The following INSYN2A variants were observed in gnomAD, a reference collection of about 807,000 sequenced individuals.
INSYN2A encodes inhibitory synaptic factor 2A.
A neutral mutation model predicts 39.4 loss-of-function variants in INSYN2A; 17 were observed. That is an observed-to-expected ratio of 0.43 (90% CI 0.30 to 0.65). INSYN2A has a LOEUF of 0.65. INSYN2A is among the 30% of genes least tolerant of loss of function. The probability of loss-of-function intolerance (pLI) is 0.14; values close to 1 mark genes in which losing one functional copy is unlikely to be tolerated. For missense variants in INSYN2A, 595 were observed against 631.2 expected (o/e 0.94, Z 0.61); for synonymous variants, 255 against 265.7 (o/e 0.96, Z 0.39).
rs1181045508 is a variant in INSYN2A, at chr10:127,196,209, C to T, written c.-607G>A. ...CCCCTCCACCGCTGCCGGCCCGGCCCTGCTGGCCCGGCCGGCCCCCGCGCC... is the reference window on the plus strand; with the variant it reads ...CCCCTCCACCGCTGCCGGCCCGGCCTTGCTGGCCCGGCCGGCCCCCGCGCC... On this transcript the variant is annotated 5_prime_UTR_variant, in exon 1 of 6. Coordinates refer to ENST00000522781, the MANE Select transcript of INSYN2A (RefSeq NM_001039762.3). 1 of 149,582 alleles carries T rather than the reference C, an allele frequency of 6.7e-6. No individual in the cohort carries two copies. Among genetic ancestry groups the T allele is most frequent in the Non-Finnish European group, 1.5e-5 (1 of 67,242 alleles). The allele number at this position is 149,582 out of a possible 1,614,324, so 9.3% of individuals were successfully genotyped here.
At chr10:127,154,180 C>T (rs747995334) in intron 4 of INSYN2A, among the ~76,000 whole-genome samples, 2 of 152,114 alleles carry the variant, frequency 1.3e-5, no homozygotes, top group Admixed American at 6.5e-5. Context: ...AATATGATTT[C>T]GTTATAAGCA....
At chr10:127,149,394 C>T (rs1185855174) in intron 5 of INSYN2A, among the ~76,000 whole-genome samples, 1 of 152,168 alleles carries the variant, frequency 6.6e-6, no homozygotes, top group East Asian at 1.9e-4. Context: ...GACCGTTTGT[C>T]CTTTTGATGC....
intron 2 of INSYN2A, among the ~76,000 whole-genome samples, chr10:127,185,894 GC>G (rs2056186882): frequency 6.6e-6 from 1 of 152,138 alleles, no homozygotes; most frequent in Non-Finnish European, 1.5e-5. Context: ...GTATATTGGG[GC>G]CCCATACTGT....
intron 4 of INSYN2A, among the ~76,000 whole-genome samples, chr10:127,161,678 GT>G (rs1247982402): frequency 3.9e-5 from 6 of 152,222 alleles, no homozygotes; most frequent in African/African-American, 1.4e-4. Context: ...TGGAGCAGCT[GT>G]TCTTTACGGA....
At position 127,153,939 on chromosome 10, in the gene INSYN2A, A is replaced by AG. The variant is rs753604943; in HGVS notation, c.1185-17dup. On this transcript the variant is annotated splice_polypyrimidine_tract_variant and intron_variant, in intron 4 of 5. Coordinates refer to ENST00000522781, the MANE Select transcript of INSYN2A (RefSeq NM_001039762.3). ...ATATGAAAGCCTACAAGATAAGAAC[A>AG]GGAGAGCATTACAAGCGGTGGCTGG... 124 of 1,608,192 alleles carry AG rather than the reference A, an allele frequency of 7.7e-5. No homozygotes were observed. The highest frequency in any genetic ancestry group is 9.9e-5 in the Non-Finnish European group (116 of 1,174,714).
intron 4 of INSYN2A, among the ~76,000 whole-genome samples, chr10:127,155,718 T>C (rs1380168297): frequency 6.6e-6 from 1 of 152,192 alleles, no homozygotes; most frequent in Non-Finnish European, 1.5e-5. Context: ...TTCCACATGA[T>C]GACATCACCC....
At chr10:127,157,131 T>G (rs2053161882) in intron 4 of INSYN2A, among the ~76,000 whole-genome samples, 1 of 152,134 alleles carries the variant, frequency 6.6e-6, no homozygotes, top group Non-Finnish European at 1.5e-5. Context: ...CTGCTGAGTG[T>G]TAAGGAAGTG....
At position 127,175,349 on chromosome 10, in the gene INSYN2A, G is replaced by A. The variant is rs184333971; in HGVS notation, c.1047C>T (p.Ile349=). 9.4e-5 allele frequency: 152 copies of A among 1,614,106 alleles called. No individual in the cohort carries two copies. The highest frequency in any genetic ancestry group is 4.0e-5 in the African/African-American group (3 of 75,040). The change falls in exon 4 of 6, where the codon ATC becomes ATT. Residue 349 remains isoleucine, a synonymous_variant. Coordinates refer to ENST00000522781, the MANE Select transcript of INSYN2A (RefSeq NM_001039762.3). This position sits in a 1 kb window ranked among gnomAD's most constrained non-coding sequence, Gnocchi z 6.3. ...GGTCGACCACTTCCGTATGAGGCAC[G>A]ATTCGTTGGCATTCTTCACCTGCAG... is the stretch of plus-strand genomic sequence containing the variant. ...AVAAGEECQR[I]VPHTEVVDLK... is the part of the protein sequence containing the mutation.
chr10:127,175,249 T>A lies in INSYN2A; in HGVS notation c.1147A>T (p.Ile383Phe). Residue 383 changes from isoleucine to phenylalanine, a missense_variant, in exon 4 of 6, where the codon ATT becomes TTT. This residue lies in a region of INSYN2A where 117 missense variants were observed against 163.8 expected (regional missense o/e 0.71). Transcript: ENST00000522781. This position sits in a 1 kb window ranked among gnomAD's most constrained non-coding sequence, Gnocchi z 6.3. ...GCCTCTCCTTTTTCCAACTCCTGAA[T>A]GACCCCCAAGAGCACTTTGATGGTT... ...QETIKVLLGV[I>F]QELEKGEAHR... The A allele has an allele frequency of 6.2e-7, 1 of 1,614,138 alleles. No individual in the cohort carries two copies. Among genetic ancestry groups the A allele is most frequent in the Non-Finnish European group, 8.5e-7 (1 of 1,180,002 alleles).
intron 4 of INSYN2A, among the ~76,000 whole-genome samples, chr10:127,161,643 G>A (rs1257383229): frequency 1.3e-5 from 2 of 152,130 alleles, no homozygotes; most frequent in African/African-American, 2.4e-5. Context: ...CCAGCTGCCC[G>A]GCTGCCACCT....
chr10:127,141,468 C>T (rs547442900), intron 5 of INSYN2A, among the ~76,000 whole-genome samples: 7 of 152,112 alleles, frequency 4.6e-5, no homozygotes, highest in South Asian at 4.2e-4. Flanking sequence ...TTTGGGAGGC[C>T]GAGGTGGGCG....
intron 5 of INSYN2A, among the ~76,000 whole-genome samples, chr10:127,143,194 CA>C (rs2051442558): frequency 6.6e-6 from 1 of 152,202 alleles, no homozygotes; most frequent in Non-Finnish European, 1.5e-5. Flanking sequence ...TTGCCTTCTG[CA>C]GTCGTCCATG....
intron 4 of INSYN2A, among the ~76,000 whole-genome samples, chr10:127,158,233 C>G (rs2053266695): frequency 6.6e-6 from 1 of 152,128 alleles, no homozygotes; most frequent in Admixed American, 6.5e-5. Flanking sequence ...CATCAGAAAA[C>G]AGTACTTTGA....
intron 5 of INSYN2A, among the ~76,000 whole-genome samples, chr10:127,148,642 T>G (rs1176887293): frequency 6.6e-6 from 1 of 152,190 alleles, no homozygotes; most frequent in African/African-American, 2.4e-5. Flanking sequence ...GTGTGACTCA[T>G]CAGATTAGTC....
At chr10:127,156,640 C>T (rs1288977269) in intron 4 of INSYN2A, among the ~76,000 whole-genome samples, 1 of 138,322 alleles carries the variant, frequency 7.2e-6, no homozygotes, top group African/African-American at 2.7e-5. Flanking sequence ...ACAATCTGGG[C>T]TCACCACAAC....
At chr10:127,138,999 G>T (rs2050967218) in intron 5 of INSYN2A, among the ~76,000 whole-genome samples, 1 of 152,112 alleles carries the variant, frequency 6.6e-6, no homozygotes, top group African/African-American at 2.4e-5. Context: ...GAGGAGTTCT[G>T]CTTCCCTTCC....
chr10:127,164,589 G>A (rs2053914243), intron 4 of INSYN2A, among the ~76,000 whole-genome samples: 1 of 152,182 alleles, frequency 6.6e-6, no homozygotes, highest in Non-Finnish European at 1.5e-5. Flanking sequence ...GAATGCATCA[G>A]TATTTTATAG....
intron 4 of INSYN2A, among the ~76,000 whole-genome samples, chr10:127,167,946 A>C (rs2054231085): frequency 6.6e-6 from 1 of 152,210 alleles, no homozygotes; most frequent in South Asian, 2.1e-4. Flanking sequence ...TAGCAAAGTA[A>C]CCTCAAAGGT....
chr10:127,147,168 G>T (rs146863130), intron 5 of INSYN2A, among the ~76,000 whole-genome samples: 19 of 152,272 alleles, frequency 1.2e-4, no homozygotes, highest in African/African-American at 3.4e-4. Context: ...GAAGGAACTT[G>T]CCTTCTTTTG....
Sources: allele counts gnomAD v4.1 joint callset (sites outside exome capture counted in the v4.1 genomes callset), GRCh38; gene constraint gnomAD v4.1.1; regional missense constraint gnomAD v4.1.1; non-coding constraint Gnocchi (gnomAD v3.1); transcripts MANE v1.5; gene names NCBI Gene and HGNC (gene_info 2026-07-23, HGNC 2026-07-21).